The following EMILIN2 variants were observed in gnomAD, a reference collection of about 807,000 sequenced individuals.
The protein encoded by EMILIN2 is EMILIN-2.
Under a neutral mutation model 87.1 loss-of-function variants are expected in EMILIN2, and 71 were observed. That is an observed-to-expected ratio of 0.82 (90% CI 0.67 to 0.99). EMILIN2 has a LOEUF of 0.99. Ranked by LOEUF, EMILIN2 falls within the 50% of genes least tolerant of loss-of-function variation. EMILIN2 has a pLI of 0.00. For missense variants in EMILIN2, 1,407 were observed against 1,371.8 expected (o/e 1.03, Z -0.40); for synonymous variants, 581 against 563.4 (o/e 1.03, Z -0.44).
intron 4 of EMILIN2, among the ~76,000 whole-genome samples, chr18:2,902,293 G>T (rs1199893383): frequency 6.6e-6 from 1 of 152,180 alleles, no homozygotes; most frequent in Non-Finnish European, 1.5e-5. Flanking sequence ...TTCAATGTCA[G>T]TTACCAGGCC....
At chr18:2,874,388 C>CTGTG (rs141815682) in intron 2 of EMILIN2, among the ~76,000 whole-genome samples, 13 of 151,348 alleles carry the variant, frequency 8.6e-5, no homozygotes, top group African/African-American at 7.3e-5. Context: ...GGATAGATTC[C>CTGTG]TGTGTGTGTG....
intron 2 of EMILIN2, among the ~76,000 whole-genome samples, chr18:2,863,024 A>G (rs568172166): frequency 5.3e-5 from 8 of 152,296 alleles, no homozygotes; most frequent in African/African-American, 1.9e-4. Context: ...TGTTTATAGT[A>G]TTCTCTGATG....
intron 5 of EMILIN2, among the ~76,000 whole-genome samples, chr18:2,907,755 C>G (rs72870079): frequency 0.015 from 2,281 of 152,336 alleles, 20 homozygotes; most frequent in Middle Eastern, 0.034. Context: ...GCAGCCCTCC[C>G]AATGGCACTG....
chr18:2,901,454 T>C (rs1321042177), intron 4 of EMILIN2, among the ~76,000 whole-genome samples: 1 of 152,212 alleles, frequency 6.6e-6, no homozygotes, highest in Non-Finnish European at 1.5e-5. Flanking sequence ...TTAATAAAAG[T>C]TGAAATTGAT....
At chr18:2,867,980 C>T (rs1225790758) in intron 2 of EMILIN2, among the ~76,000 whole-genome samples, 2 of 150,818 alleles carry the variant, frequency 1.3e-5, no homozygotes, top group South Asian at 2.1e-4. Flanking sequence ...GGGCAGGGGG[C>T]TGACCCCCCC....
chr18:2,857,428 A>G (rs2076633275), intron 2 of EMILIN2, among the ~76,000 whole-genome samples: 1 of 152,188 alleles, frequency 6.6e-6, no homozygotes, highest in African/African-American at 2.4e-5. Context: ...TGGTTTCCCT[A>G]CATCTGCTTG....
chr18:2,908,322 G>A (rs2076924490), intron 5 of EMILIN2, among the ~76,000 whole-genome samples: 1 of 151,996 alleles, frequency 6.6e-6, no homozygotes, highest in Admixed American at 6.5e-5. Flanking sequence ...ATGTATCCGT[G>A]TATCCACCCA....
At chr18:2,886,075 G>T (rs1299335108) in intron 3 of EMILIN2, among the ~76,000 whole-genome samples, 4 of 152,170 alleles carry the variant, frequency 2.6e-5, no homozygotes, top group Non-Finnish European at 5.9e-5. Context: ...TTGACATTTT[G>T]TTATAGAACC....
At chr18:2,869,783 TG>T (rs2076709986) in intron 2 of EMILIN2, among the ~76,000 whole-genome samples, 1 of 31,578 alleles carries the variant, frequency 3.2e-5, no homozygotes. Context: ...TGTGTGTGTG[TG>T]TTTGTGTGTG....
chr18:2,877,456 CAAACA>C (rs2076755001), intron 2 of EMILIN2, among the ~76,000 whole-genome samples: 2 of 103,760 alleles, frequency 1.9e-5, no homozygotes, highest in African/African-American at 3.7e-5. Context: ...TTTTTTTTTA[CAAACA>C]AAACATTTGT....
At chr18:2,907,817 A>G (rs375104101) in intron 5 of EMILIN2, among the ~76,000 whole-genome samples, 159 of 152,342 alleles carry the variant, frequency 1.0e-3, no homozygotes, top group African/African-American at 3.7e-3. Flanking sequence ...TGGCTATAAC[A>G]GATAAACAGA....
intron 2 of EMILIN2, among the ~76,000 whole-genome samples, chr18:2,849,836 T>A (rs1345824621): frequency 6.6e-6 from 1 of 151,548 alleles, no homozygotes; most frequent in Admixed American, 6.6e-5. Flanking sequence ...CAGTCTTGAC[T>A]TTTTTCAGTT....
At chr18:2,876,229 C>T (rs975395193) in intron 2 of EMILIN2, among the ~76,000 whole-genome samples, 3 of 151,698 alleles carry the variant, frequency 2.0e-5, no homozygotes, top group African/African-American at 4.8e-5. Context: ...GATCCACCCG[C>T]CTCGGCCTCC....
chr18:2,865,516 A>AGAACAGCGGATATTGGT (rs1245376107), intron 2 of EMILIN2, among the ~76,000 whole-genome samples: 10 of 152,238 alleles, frequency 6.6e-5, no homozygotes, highest in Non-Finnish European at 1.5e-4. Context: ...CGGAGGCTGC[A>AGAACAGCGGATATTGGT]GAACAGCGGA....
At chr18:2,853,624 A>G (rs1040712891) in intron 2 of EMILIN2, among the ~76,000 whole-genome samples, 1 of 152,098 alleles carries the variant, frequency 6.6e-6, no homozygotes, top group Non-Finnish European at 1.5e-5. Context: ...CACTACCCCC[A>G]TTTTACAGGA....
At chr18:2,869,364 A>G (rs1232406895) in intron 2 of EMILIN2, among the ~76,000 whole-genome samples, 1 of 152,180 alleles carries the variant, frequency 6.6e-6, no homozygotes, top group Non-Finnish European at 1.5e-5. Flanking sequence ...TTTGACATAT[A>G]TACCCGTGAA....
At chr18:2,867,880 T>A (rs1301216010) in intron 2 of EMILIN2, among the ~76,000 whole-genome samples, 3 of 149,994 alleles carry the variant, frequency 2.0e-5, no homozygotes, top group Admixed American at 6.6e-5. Context: ...CCTCCCAGAG[T>A]GGGTGGTGGC....
At position 2,906,765 on chromosome 18, in the gene EMILIN2, CTCCCCGACGCCCGGCAGAGGCGCCCTCG is replaced by C; in HGVS notation, c.2360-17_2370del. On this transcript the variant is annotated splice_acceptor_variant and splice_polypyrimidine_tract_variant and coding_sequence_variant and intron_variant, in exon 5 of 8. Transcript: ENST00000254528. LOFTEE classifies it high-confidence loss of function. ...GTTTCCTAATCCCGTGTGTTTCTTT[CTCCCCGACGCCCGGCAGAGGCGCCCTCG>C]CCCCCGCCGCCCGCAGAGGCCCCGA... 1.6e-6 allele frequency: 2 copies of C among 1,277,078 alleles called. No individual in the cohort carries two copies. The allele number at this position is 1,277,078 out of a possible 1,614,324, so 79.1% of individuals were successfully genotyped here.
chr18:2,912,992 T>TG lies in EMILIN2; in HGVS notation c.2825-69dup, dbSNP rs528612759. 8.0e-4 allele frequency: 1,196 copies of TG among 1,500,348 alleles called. 1 individual carries two copies. Among genetic ancestry groups the TG allele is most frequent in the Non-Finnish European group, 1.0e-3 (1,148 of 1,100,214 alleles). 92.9% of individuals were successfully genotyped at this position (1,500,348 alleles called of 1,614,324 possible). On this transcript the variant is annotated intron_variant, in intron 7 of 7. Transcript: ENST00000254528. ...GGTCTCCCAGGCCCAGGTTAATCACTGGGGGGCCACTTACTACCATGGCAA... is the reference window on the plus strand; with the variant it reads ...GGTCTCCCAGGCCCAGGTTAATCACTGGGGGGGCCACTTACTACCATGGCAA...
Sources: allele counts gnomAD v4.1 joint callset (sites outside exome capture counted in the v4.1 genomes callset), GRCh38; gene constraint gnomAD v4.1.1; transcripts MANE v1.5; gene names NCBI Gene and HGNC (gene_info 2026-07-23, HGNC 2026-07-21).